CXADR: variants seen among roughly 807,000 people sequenced by gnomAD.
CXADR encodes the protein coxsackievirus and adenovirus receptor.
CXADR carries 20 observed loss-of-function variants against 40.3 expected under a neutral mutation model. The ratio of observed to expected loss-of-function variants is 0.50; its 90% CI spans 0.35 to 0.72. The LOEUF is 0.72. Ranked by LOEUF, CXADR falls within the 30% of genes least tolerant of loss-of-function variation. The pLI, the probability that CXADR is intolerant of heterozygous loss-of-function variation, is 0.01. For synonymous variants in CXADR, 150 were observed against 161.3 expected, an observed-to-expected ratio of 0.93 and a Z score of 0.53; for missense variants, 332 against 449.1, an observed-to-expected ratio of 0.74 and a Z score of 2.36.
chr21:17,551,788 T>C lies in CXADR; in HGVS notation c.250T>C (p.Tyr84His), dbSNP rs770039277. Reference sequence around the variant, plus strand: ...TGGAGACAAAATTTATGATGACTACTATCCAGATCTGAAAGGCCGAGTACA... The same window carrying C: ...TGGAGACAAAATTTATGATGACTACCATCCAGATCTGAAAGGCCGAGTACA... ...YSGDKIYDDY[Y>H]PDLKGRVHFT... The change falls in exon 3 of 7, where the codon TAT becomes CAT. Residue 84 changes from tyrosine to histidine, a missense_variant. Physicochemically the swap from Tyr to His is moderately conservative, Grantham distance 83 (BLOSUM62 2). Coordinates refer to ENST00000284878, the MANE Select transcript of CXADR (RefSeq NM_001338.5). The C allele has an allele frequency of 6.8e-6, 11 of 1,613,650 alleles. No individual in the cohort carries two copies. Among genetic ancestry groups the C allele is most frequent in the Non-Finnish European group, 9.3e-6 (11 of 1,179,784 alleles).
intron 2 of CXADR, among the ~76,000 whole-genome samples, chr21:17,549,265 G>T (rs765333618): frequency 3.9e-5 from 6 of 152,146 alleles, no homozygotes; most frequent in Admixed American, 3.9e-4. Flanking sequence ...TTGAACCCAG[G>T]TCCCTCTGAC....
At chr21:17,592,025 A>C (rs986694894) in intron 7 of CXADR, among the ~76,000 whole-genome samples, 10 of 151,810 alleles carry the variant, frequency 6.6e-5, no homozygotes, top group African/African-American at 2.4e-4. Context: ...ACACTGGCAG[A>C]ATCTTCTATG....
chr21:17,625,990 A>T, the CXADR span, among the ~76,000 whole-genome samples: 2 of 152,352 alleles, frequency 1.3e-5, no homozygotes, highest in African/African-American at 4.8e-5. Context: ...TGAACTTAGC[A>T]AAACAGCTTT....
Position 17,565,994 on chromosome 21 carries a change from C to T in CXADR, c.*302C>T. ...AGATGTAGCGCTTTGAATATGAAAT[C>T]ATAGGTGAAGACATGGGTGAACTTA... On this transcript the variant is annotated 3_prime_UTR_variant, in exon 7 of 7. Coordinates refer to ENST00000284878, the MANE Select transcript of CXADR (RefSeq NM_001338.5). The T allele has an allele frequency of 9.7e-7, 1 of 1,031,334 alleles. No homozygotes were observed. Among genetic ancestry groups the T allele is most frequent in the Non-Finnish European group, 1.2e-6 (1 of 859,474 alleles). The allele number at this position is 1,031,334 out of a possible 1,614,324, so 63.9% of individuals were successfully genotyped here.
intron 3 of CXADR, among the ~76,000 whole-genome samples, chr21:17,554,227 A>G (rs1190031146): frequency 6.6e-6 from 1 of 152,184 alleles, no homozygotes. Context: ...TCACATTTGC[A>G]GTTCTCAACT....
intron 1 of CXADR, among the ~76,000 whole-genome samples, chr21:17,533,480 AGAGT>A (rs2060704346): frequency 6.6e-6 from 1 of 152,218 alleles, no homozygotes; most frequent in Non-Finnish European, 1.5e-5. Context: ...TTCTACATAC[AGAGT>A]GAGTGTGGCT....
intron 6 of CXADR, among the ~76,000 whole-genome samples, chr21:17,564,490 G>A (rs575379941): frequency 1.3e-5 from 2 of 152,062 alleles, no homozygotes; most frequent in Admixed American, 6.5e-5. Context: ...GAAAAAAGCT[G>A]TACATGTTAG....
intron 3 of CXADR, among the ~76,000 whole-genome samples, chr21:17,558,247 G>A (rs28590674): frequency 2.0e-5 from 3 of 151,850 alleles, no homozygotes; most frequent in Non-Finnish European, 4.4e-5. Flanking sequence ...TCCTACCCCA[G>A]CCTCCCAAGT....
intron 1 of CXADR, among the ~76,000 whole-genome samples, chr21:17,542,259 A>AG (rs2060839547): frequency 6.6e-6 from 1 of 152,218 alleles, no homozygotes; most frequent in Admixed American, 6.5e-5. Flanking sequence ...AGATCACTGA[A>AG]GACCACCTAG....
intron 7 of CXADR, among the ~76,000 whole-genome samples, chr21:17,578,849 G>C (rs918793068): frequency 6.6e-6 from 1 of 152,034 alleles, no homozygotes; most frequent in African/African-American, 2.4e-5. Flanking sequence ...ATCTAAGGAA[G>C]CAGTACATTT....
intron 3 of CXADR, among the ~76,000 whole-genome samples, chr21:17,553,507 TA>T (rs1233838433): frequency 4.6e-5 from 7 of 152,154 alleles, no homozygotes; most frequent in Non-Finnish European, 1.0e-4. Flanking sequence ...AGGAATATGG[TA>T]ATGTTGGAAA....
chr21:17,528,316 C>T (rs556418762), intron 1 of CXADR, among the ~76,000 whole-genome samples: 3 of 151,904 alleles, frequency 2.0e-5, no homozygotes, highest in South Asian at 2.1e-4. Context: ...CCTCGTGATT[C>T]GCCTGCCTTG....
intron 1 of CXADR, among the ~76,000 whole-genome samples, chr21:17,516,234 A>T (rs1478169226): frequency 1.3e-5 from 2 of 152,180 alleles, no homozygotes; most frequent in African/African-American, 4.8e-5. Flanking sequence ...TTATATAATT[A>T]ACTTGTGAAG....
chr21:17,515,704 G>T (rs2060452681), intron 1 of CXADR, among the ~76,000 whole-genome samples: 1 of 152,082 alleles, frequency 6.6e-6, no homozygotes, highest in Non-Finnish European at 1.5e-5. Flanking sequence ...ACCAGCTGAG[G>T]CTGAGGCAGG....
intron 7 of CXADR, among the ~76,000 whole-genome samples, chr21:17,587,233 TA>T (rs2061403878): frequency 6.6e-6 from 1 of 152,214 alleles, no homozygotes. Flanking sequence ...GCATGATTTA[TA>T]ATCCTTTGGG....
chr21:17,578,435 C>T (rs888644429), intron 7 of CXADR, among the ~76,000 whole-genome samples: 1 of 152,330 alleles, frequency 6.6e-6, no homozygotes, highest in South Asian at 2.1e-4. Context: ...CGCCCTGGGG[C>T]ACGCAGGAAC....
rs1041856933 is a variant in CXADR at position 17,569,640 on chromosome 21, T to A, written c.*3948T>A. 31 of 981,792 alleles carry A rather than the reference T, an allele frequency of 3.2e-5. No individual in the cohort carries two copies. The highest frequency in any genetic ancestry group is 3.7e-5 in the Non-Finnish European group (31 of 826,680). The allele number at this position is 981,792 out of a possible 1,614,324, so 60.8% of individuals were successfully genotyped here. ...TTTATTTATCTTTAGGGAAGGCTGA[T>A]CATTTATCTTATAGCAGATAACCCC... On this transcript the variant is annotated 3_prime_UTR_variant, in exon 7 of 7. Transcript: ENST00000284878.
intron 1 of CXADR, among the ~76,000 whole-genome samples, chr21:17,513,853 G>A (rs1316039513): frequency 1.3e-5 from 2 of 152,210 alleles, no homozygotes; most frequent in Non-Finnish European, 2.9e-5. Flanking sequence ...GTCCTTGGGC[G>A]AAGTGCAAAG....
At chr21:17,558,361 C>T (rs908853269) in intron 3 of CXADR, among the ~76,000 whole-genome samples, 1 of 152,094 alleles carries the variant, frequency 6.6e-6, no homozygotes, top group African/African-American at 2.4e-5. Flanking sequence ...AACCCCTGAC[C>T]TCAAGTGATC....
Sources: allele counts gnomAD v4.1 joint callset (sites outside exome capture counted in the v4.1 genomes callset), GRCh38; gene constraint gnomAD v4.1.1; transcripts MANE v1.5; gene names NCBI Gene and HGNC (gene_info 2026-07-23, HGNC 2026-07-21).